CRTC1: variants seen among roughly 807,000 people sequenced by gnomAD.
CRTC1 encodes CREB-regulated transcription coactivator 1.
CRTC1 carries 18 observed loss-of-function variants against 66.1 expected under a neutral mutation model. That is an observed-to-expected ratio of 0.27 (90% confidence interval 0.19 to 0.40). The LOEUF is 0.40. Among genes scored for constraint, CRTC1 ranks in the 10% least tolerant of loss-of-function variants. CRTC1 has a pLI of 1.00. For missense variants in CRTC1, 669 were observed against 887.9 expected, an observed-to-expected ratio of 0.75 and a Z score of 3.13; for synonymous variants, 416 against 398.8, an observed-to-expected ratio of 1.04 and a Z score of -0.51.
intron 1 of CRTC1, among the ~76,000 whole-genome samples, chr19:18,709,513 G>A (rs1169665185): frequency 3.3e-5 from 5 of 152,168 alleles, no homozygotes; most frequent in African/African-American, 1.2e-4. Context: ...AGGTTAAGAA[G>A]GGCAGTATCT....
intron 1 of CRTC1, among the ~76,000 whole-genome samples, chr19:18,701,046 C>T (rs1439206937): frequency 6.6e-6 from 1 of 152,206 alleles, no homozygotes; most frequent in Non-Finnish European, 1.5e-5. Context: ...ATGCACAGAC[C>T]CTGGGGATGA....
chr19:18,695,790 G>A (rs767410025), intron 1 of CRTC1, among the ~76,000 whole-genome samples: 5 of 152,136 alleles, frequency 3.3e-5, no homozygotes, highest in Admixed American at 6.6e-5. Context: ...GCGTGAACCC[G>A]GGAGGCAGAG....
At chr19:18,767,941 C>T (rs900437442) in intron 9 of CRTC1, among the ~76,000 whole-genome samples, 2 of 152,228 alleles carry the variant, frequency 1.3e-5, no homozygotes, top group Non-Finnish European at 2.9e-5. Context: ...AGACAGTGAA[C>T]GTCACACACT....
In CRTC1 at chr19:18,732,284, G is replaced by A. The variant is rs148595122; in HGVS notation, c.127-10626G>A. ...AATCAAGCCATAAAGGGGGGGTCCCGATCTCTAGGATTGGAGGCCTTGTAA... is the reference window on the plus strand; with the variant it reads ...AATCAAGCCATAAAGGGGGGGTCCCAATCTCTAGGATTGGAGGCCTTGTAA... On this transcript the variant is annotated intron_variant, in intron 1 of 13. Transcript: ENST00000321949. Among the ~76,000 whole-genome samples the A allele has an allele frequency of 6.6e-3, 998 of 152,284 alleles. 7 individuals are homozygous for A. The highest frequency in any genetic ancestry group is 0.017 in the African/African-American group (686 of 41,542).
At chr19:18,711,575 G>A (rs1256639630) in intron 1 of CRTC1, among the ~76,000 whole-genome samples, 1 of 152,222 alleles carries the variant, frequency 6.6e-6, no homozygotes, top group African/African-American at 2.4e-5. Flanking sequence ...GGCCACAGCT[G>A]CGGCCGGCCA....
intron 1 of CRTC1, among the ~76,000 whole-genome samples, chr19:18,718,333 T>C (rs2053551779): frequency 6.6e-6 from 1 of 152,074 alleles, no homozygotes; most frequent in Non-Finnish European, 1.5e-5. Context: ...CAGTGCTTCC[T>C]TCCTTTTTTG....
chr19:18,763,421 C>A (rs2054658771), intron 8 of CRTC1, among the ~76,000 whole-genome samples: 2 of 152,172 alleles, frequency 1.3e-5, no homozygotes, highest in African/African-American at 2.4e-5. Context: ...AGGACGGTCA[C>A]CCTGTACAGG....
In CRTC1 at chr19:18,731,742, C is replaced by T. The variant is rs377744945; in HGVS notation, c.127-11168C>T. ...ACCGAGCAGGCACGTTGCTTATCTT[C>T]GGGAGACTCATTCCAGAAACACCGC... On this transcript the variant is annotated intron_variant, in intron 1 of 13. Transcript: ENST00000321949. Among the ~76,000 whole-genome samples, 648 of 152,252 alleles carry T rather than the reference C, an allele frequency of 4.3e-3. 6 individuals carry two copies. The highest frequency in any genetic ancestry group is 0.014 in the African/African-American group (601 of 41,548).
chr19:18,724,906 G>T (rs1321461483), intron 1 of CRTC1, among the ~76,000 whole-genome samples: 2 of 151,822 alleles, frequency 1.3e-5, no homozygotes, highest in Middle Eastern at 3.4e-3. Context: ...TGCATCGAGC[G>T]CTTGGGATCT....
Position 18,775,693 on chromosome 19 carries a change from G to T in CRTC1, c.1565G>T (p.Ser522Ile), listed in dbSNP as rs1355953416. The T allele has an allele frequency of 2.0e-5, 32 of 1,612,462 alleles. No homozygotes were observed. The highest frequency in any genetic ancestry group is 2.7e-5 in the Non-Finnish European group (32 of 1,179,770). ...ENAISSSSLY[S>I]PGSTLNYSQA... ...GCCATCAGCTCCAGCAGCCTGTACA[G>T]CCCGGGCTCCACACTCAACTACTCG... is the stretch of plus-strand genomic sequence containing the variant. Residue 522 changes from serine to isoleucine, a missense_variant, in exon 13 of 14, where the codon AGC becomes ATC. Ser to Ile is a moderately radical substitution (Grantham distance 142). Transcript: ENST00000321949.
At chr19:18,769,714 T>C (rs2054818935) in intron 10 of CRTC1, among the ~76,000 whole-genome samples, 1 of 152,134 alleles carries the variant, frequency 6.6e-6, no homozygotes, top group Non-Finnish European at 1.5e-5. Flanking sequence ...GGGTGGTTCT[T>C]GGAGTCACAG....
chr19:18,781,202 A>C lies in CRTC1; in HGVS notation c.*3820A>C, dbSNP rs571423977. On this transcript the variant is annotated 3_prime_UTR_variant, in exon 14 of 14. Coordinates refer to ENST00000321949, the MANE Select transcript of CRTC1 (RefSeq NM_015321.3). ...CCCCTGGGCCTGGCCCGTCACCCAC[A>C]TGTGGTGCCCTGGGCCAGGGCGTGC... 97 of 226,178 alleles carry C rather than the reference A, an allele frequency of 4.3e-4. No homozygotes were observed. The highest frequency in any genetic ancestry group is 6.9e-4 in the Non-Finnish European group (79 of 113,718). The allele number at this position is 226,178 out of a possible 1,614,324, so 14.0% of individuals were successfully genotyped here. A position where few individuals can be genotyped will look rare whatever the true frequency, so the allele number is the denominator to read the frequency against.
intron 8 of CRTC1, among the ~76,000 whole-genome samples, chr19:18,765,133 T>TA (rs2145826982): frequency 6.6e-6 from 1 of 152,270 alleles, no homozygotes; most frequent in South Asian, 2.1e-4. Flanking sequence ...GGGCCAATCT[T>TA]ATGCTCCAGA....
Position 18,690,886 on chromosome 19 carries a change from C to T in CRTC1, c.126+7058C>T, listed in dbSNP as rs1328627030. On this transcript the variant is annotated intron_variant, in intron 1 of 13. Transcript: ENST00000321949. Reference sequence around the variant, plus strand: ...TAAAAATACAAAAAAATTAGCTGGGCGTGGTGGTGAGCGCCTGTAGTCCCA... The same window carrying T: ...TAAAAATACAAAAAAATTAGCTGGGTGTGGTGGTGAGCGCCTGTAGTCCCA... 3.9e-5 allele frequency among the ~76,000 whole-genome samples: 6 copies of T among 151,964 alleles called. No homozygotes were observed. In the East Asian group the frequency reaches 7.7e-4, roughly 20 times the overall value.
chr19:18,710,916 T>C (rs920326785), intron 1 of CRTC1, among the ~76,000 whole-genome samples: 7 of 152,120 alleles, frequency 4.6e-5, no homozygotes, highest in African/African-American at 1.7e-4. Flanking sequence ...GCGCCCGGCC[T>C]CACCCTTGAC....
chr19:18,705,594 C>T (rs578042299), intron 1 of CRTC1, among the ~76,000 whole-genome samples: 2 of 152,320 alleles, frequency 1.3e-5, no homozygotes, highest in East Asian at 3.9e-4. Flanking sequence ...GCTGGGATTA[C>T]AGGCGTGAAC....
At chr19:18,716,622 T>C (rs1387930226) in intron 1 of CRTC1, among the ~76,000 whole-genome samples, 1 of 151,970 alleles carries the variant, frequency 6.6e-6, no homozygotes, top group African/African-American at 2.4e-5. Context: ...CGGGCATTAG[T>C]GTGTGGAGAG....
At chr19:18,691,793 A>G (rs1180185817) in intron 1 of CRTC1, among the ~76,000 whole-genome samples, 1 of 151,542 alleles carries the variant, frequency 6.6e-6, no homozygotes, top group Non-Finnish European at 1.5e-5. Flanking sequence ...GGCTCACTGC[A>G]ACCTCCTTCT....
In CRTC1 at chr19:18,760,134, C is replaced by T. The variant is rs779704646; in HGVS notation, c.792C>T (p.Pro264=). 3.7e-5 allele frequency: 59 copies of T among 1,613,818 alleles called. 1 individual carries two copies. Among genetic ancestry groups the T allele is most frequent in the African/African-American group, 3.1e-4 (23 of 74,900 alleles). Residue 264 remains proline, a synonymous_variant, in exon 8 of 14, where the codon CCC becomes CCT. Transcript: ENST00000321949. The surrounding 1 kb of genome is among the most constrained non-coding windows in gnomAD (Gnocchi z 6.2). ...CCCCGCTCCCGACCCCGCTGGACCC[C>T]GAGGAGCCCACCTTCCCTGCACTGA... ...FPSPLPTPLD[P]EEPTFPALSS...
Sources: allele counts gnomAD v4.1 joint callset (sites outside exome capture counted in the v4.1 genomes callset), GRCh38; gene constraint gnomAD v4.1.1; non-coding constraint Gnocchi (gnomAD v3.1); transcripts MANE v1.5; gene names NCBI Gene and HGNC (gene_info 2026-07-23, HGNC 2026-07-21).